The following NAV3 variants were observed in gnomAD, a reference collection of about 807,000 sequenced individuals.
NAV3 encodes pore membrane and/or filament interacting like protein 1.
In NAV3, 87 loss-of-function variants were observed where a neutral mutation model predicts 244.7. That is an observed-to-expected ratio of 0.36 (90% CI 0.30 to 0.42). NAV3 has a LOEUF of 0.42. Among genes scored for constraint, NAV3 ranks in the 20% least tolerant of loss-of-function variants. The pLI, the probability that NAV3 is intolerant of heterozygous loss-of-function variation, is 1.00. For missense variants in NAV3, 2,663 were observed against 2,893.3 expected (o/e 0.92, Z 1.83); for synonymous variants, 1,126 against 1,042.2 (o/e 1.08, Z -1.55).
chr12:77,828,689 G>A (rs190143319), upstream of NAV3, among the ~76,000 whole-genome samples: 56 of 152,084 alleles, frequency 3.7e-4, no homozygotes, highest in Middle Eastern at 3.4e-3. Context: ...GCTTTTGGTG[G>A]TAGATATTAC....
chr12:77,731,756 C>T (rs1054217005), intron 2 of NAV3, among the ~76,000 whole-genome samples: 2 of 151,728 alleles, frequency 1.3e-5, no homozygotes, highest in Non-Finnish European at 2.9e-5. Context: ...AAAATCTTTC[C>T]AAAAGTATTC....
intron 5 of NAV3, among the ~76,000 whole-genome samples, chr12:77,979,699 G>GAA (rs982567243): frequency 2.5e-5 from 2 of 79,334 alleles, no homozygotes; most frequent in Admixed American, 1.4e-4. Flanking sequence ...GATGTGAAAC[G>GAA]AAAAAAAAAA....
chr12:77,944,402 T>C (rs150083437), intron 3 of NAV3, among the ~76,000 whole-genome samples: 92 of 152,250 alleles, frequency 6.0e-4, no homozygotes, highest in African/African-American at 2.0e-3. Flanking sequence ...GAGCTTAAAA[T>C]GGCCCCAATT....
In NAV3 at chr12:78,059,029, T is replaced by C. The variant is rs192535387; in HGVS notation, c.2550T>C (p.Thr850=). The change falls in exon 12 of 40, where the codon ACT becomes ACC. Residue 850 remains threonine, a synonymous_variant. Transcript: ENST00000397909. ...YMTDGGLNLY[T]RSLNRIPDTA... ...CAGATGGAGGACTTAACCTATATACTAGAAGTCTGAACCGAATACCAGACA... is the reference window on the plus strand; with the variant it reads ...CAGATGGAGGACTTAACCTATATACCAGAAGTCTGAACCGAATACCAGACA... The C allele has an allele frequency of 8.1e-6, 13 of 1,610,024 alleles. No individual in the cohort carries two copies. In the African/African-American group the frequency reaches 1.3e-4, roughly 17 times the overall value.
At position 78,125,517 on chromosome 12, in the gene NAV3, T is replaced by G. The variant is rs73354854; in HGVS notation, c.4239-1650T>G. On this transcript the variant is annotated intron_variant, in intron 16 of 39. Coordinates refer to ENST00000397909, the MANE Select transcript of NAV3 (RefSeq NM_001024383.2). The stretch of plus-strand genomic sequence containing the variant: ...TGACTCAACTAAATTTTTAAATAAT[T>G]TGTAGTAACCAACTTTGCAAATTCT... Among the ~76,000 whole-genome samples the G allele has an allele frequency of 8.7e-3, 1,321 of 152,316 alleles. 29 individuals carry two copies. The highest frequency in any genetic ancestry group is 0.031 in the African/African-American group (1,268 of 41,568).
chr12:77,657,900 T>C (rs911180572), intron 2 of NAV3, among the ~76,000 whole-genome samples: 2 of 152,074 alleles, frequency 1.3e-5, no homozygotes, highest in African/African-American at 2.4e-5. Flanking sequence ...TTTGACAAAA[T>C]TCAACAACCC....
intron 2 of NAV3, among the ~76,000 whole-genome samples, chr12:77,803,279 C>T (rs1001485971): frequency 3.3e-5 from 5 of 152,094 alleles, no homozygotes; most frequent in Non-Finnish European, 2.9e-5. Flanking sequence ...CCTCTCCTAG[C>T]CCCCCATCCC....
chr12:78,116,712 A>T (rs2138511372), intron 12 of NAV3, 60 bp from the exon 13 acceptor site: 5 of 1,414,810 alleles, frequency 3.5e-6, no homozygotes, highest in Non-Finnish European at 4.7e-6. Flanking sequence ...ATGGAAATGT[A>T]GGTGACTTGC....
intron 2 of NAV3, among the ~76,000 whole-genome samples, chr12:77,575,415 T>A (rs924131961): frequency 6.6e-6 from 1 of 152,098 alleles, no homozygotes; most frequent in Non-Finnish European, 1.5e-5. Flanking sequence ...AACTTTCAGC[T>A]GGTATTGGGC....
intron 2 of NAV3, among the ~76,000 whole-genome samples, chr12:77,575,716 A>G (rs911336458): frequency 6.6e-6 from 1 of 152,184 alleles, no homozygotes; most frequent in African/African-American, 2.4e-5. Context: ...TTTTACTGTC[A>G]GTCTAATTGC....
At chr12:78,042,478 T>G (rs1286319394) in intron 9 of NAV3, among the ~76,000 whole-genome samples, 1 of 152,206 alleles carries the variant, frequency 6.6e-6, no homozygotes, top group African/African-American at 2.4e-5. Flanking sequence ...ATAAAAGACT[T>G]CAAAAGCTAT....
intron 7 of NAV3, among the ~76,000 whole-genome samples, chr12:78,001,285 A>T (rs184737575): frequency 5.3e-5 from 8 of 152,306 alleles, no homozygotes; most frequent in Non-Finnish European, 8.8e-5. Context: ...TAAAAATAAG[A>T]ATACTTAAAT....
At position 78,007,454 on chromosome 12, in the gene NAV3, G is replaced by A. The variant is rs375690337; in HGVS notation, c.1907+9G>A. ...GCACCATTCATTTACAGGTAAGGTG[G>A]CCTCTGTTTATCCACAGTTGTAAAT... On this transcript the variant is annotated intron_variant, in intron 8 of 39. Transcript: ENST00000397909. 3.5e-5 allele frequency: 56 copies of A among 1,609,192 alleles called. No individual in the cohort carries two copies. The African/African-American group carries it at 7.1e-4, about 20-fold the overall frequency.
intron 2 of NAV3, among the ~76,000 whole-genome samples, chr12:77,721,455 C>T (rs1336315869): frequency 2.0e-5 from 3 of 152,062 alleles, no homozygotes; most frequent in Admixed American, 2.0e-4. Context: ...TTACTTCTCT[C>T]ATATATCTGA....
rs890688353 is a variant in NAV3, at chr12:77,977,788, C to T, written c.671+9086C>T. Among the ~76,000 whole-genome samples the T allele has an allele frequency of 6.6e-5, 10 of 151,626 alleles. No individual in the cohort carries two copies. In the South Asian group the frequency reaches 1.9e-3, roughly 28 times the overall value. On this transcript the variant is annotated intron_variant, in intron 5 of 39. Coordinates refer to ENST00000397909, the MANE Select transcript of NAV3 (RefSeq NM_001024383.2). ...TACTCTGATTCTTCCCTAGTTAAGGCCTATCTGAAAATCTGAAAGTCTGGT... is the reference window on the plus strand; with the variant it reads ...TACTCTGATTCTTCCCTAGTTAAGGTCTATCTGAAAATCTGAAAGTCTGGT...
chr12:77,872,656 C>G (rs1564301), intron 1 of NAV3, among the ~76,000 whole-genome samples: 20,782 of 152,122 alleles, frequency 0.14, 1,512 homozygotes, highest in East Asian at 0.21. Flanking sequence ...GAGAAAAATG[C>G]ATTAAGGCTT....
chr12:78,088,087 C>G (rs570576731), intron 12 of NAV3, among the ~76,000 whole-genome samples: 13 of 150,394 alleles, frequency 8.6e-5, no homozygotes, highest in African/African-American at 3.2e-4. Flanking sequence ...TATGAATGAC[C>G]TCATATAACT....
At chr12:77,988,625 G>A (rs1163356102) in intron 5 of NAV3, among the ~76,000 whole-genome samples, 1 of 152,148 alleles carries the variant, frequency 6.6e-6, no homozygotes, top group Non-Finnish European at 1.5e-5. Flanking sequence ...CTTCTTTTGT[G>A]CTTCTGTTTC....
At position 78,155,766 on chromosome 12, in the gene NAV3, G is replaced by A. The variant is rs373391; in HGVS notation, c.4786-3437G>A. Among the ~76,000 whole-genome samples, 74 of 151,742 alleles carry A rather than the reference G, an allele frequency of 4.9e-4. No homozygotes were observed. In the South Asian group the frequency reaches 7.3e-3, roughly 15 times the overall value. On this transcript the variant is annotated intron_variant, in intron 22 of 39. Transcript: ENST00000397909. ...ATGTTACCCTTTTTTTTATATGTTT[G>A]TTGGCTGCATGACTGTCTTCTTGTA...
Sources: gnomAD v4.1 joint callset for allele counts (sites outside exome capture counted in the v4.1 genomes callset) on GRCh38, gnomAD v4.1.1 for gene constraint, MANE v1.5 for transcripts, NCBI Gene and HGNC (gene_info 2026-07-23, HGNC 2026-07-21) for gene names.